Variants in PLCB1 observed in about 807,000 individuals in gnomAD.
The protein encoded by PLCB1 is 1-phosphatidylinositol 4,5-bisphosphate phosphodiesterase beta-1.
A neutral mutation model predicts 161.8 loss-of-function variants in PLCB1; 46 were observed. That is an observed-to-expected ratio of 0.28 (90% confidence interval 0.22 to 0.36). The LOEUF is 0.36. PLCB1 is among the 10% of genes least tolerant of loss of function. PLCB1 has a pLI of 1.00. For synonymous variants in PLCB1, 517 were observed against 503.7 expected, an observed-to-expected ratio of 1.03 and a Z score of -0.35; for missense variants, 1,016 against 1,472.5, an observed-to-expected ratio of 0.69 and a Z score of 5.07.
chr20:8,282,912 T>A (rs1982940601), intron 2 of PLCB1, among the ~76,000 whole-genome samples: 1 of 141,632 alleles, frequency 7.1e-6, no homozygotes, highest in Non-Finnish European at 1.5e-5. Context: ...CATCCAAGTG[T>A]CTTATGATTA....
In PLCB1 at chr20:8,883,775, T is replaced by TG. The variant is rs1988077818; in HGVS notation, c.*1930dup. 1 of 151,410 alleles carries TG rather than the reference T, an allele frequency of 6.6e-6. No individual in the cohort carries two copies. Among genetic ancestry groups the TG allele is most frequent in the Non-Finnish European group, 1.5e-5 (1 of 67,712 alleles). 9.4% of individuals were successfully genotyped at this position (151,410 alleles called of 1,614,324 possible). A position where few individuals can be genotyped will look rare whatever the true frequency, so the allele number is the denominator to read the frequency against. On this transcript the variant is annotated 3_prime_UTR_variant, in exon 32 of 32. Transcript: ENST00000338037. ...TGATTATATTTTGATCTGAAGGGTT[T>TG]GGGGTGTTCATTAGACACTTAATAA...
At chr20:8,133,731 C>T (rs2051316009) in intron 1 of PLCB1, among the ~76,000 whole-genome samples, 2 of 152,144 alleles carry the variant, frequency 1.3e-5, no homozygotes, top group African/African-American at 2.4e-5. Context: ...ATAAGAAAAA[C>T]CTACTGAAAT....
At chr20:8,171,077 C>T (rs984123241) in intron 2 of PLCB1, among the ~76,000 whole-genome samples, 1 of 152,012 alleles carries the variant, frequency 6.6e-6, no homozygotes, top group Admixed American at 6.5e-5. Context: ...CGAGTGCTTC[C>T]CCCTTCTTAC....
chr20:8,146,933 C>T (rs879910122), intron 1 of PLCB1, among the ~76,000 whole-genome samples: 5 of 152,092 alleles, frequency 3.3e-5, no homozygotes, highest in African/African-American at 7.2e-5. Flanking sequence ...TATTGGTTTT[C>T]TTTTTTACAG....
chr20:8,553,687 T>C (rs1012523124), intron 3 of PLCB1, among the ~76,000 whole-genome samples: 1 of 152,000 alleles, frequency 6.6e-6, no homozygotes, highest in Non-Finnish European at 1.5e-5. Context: ...AGAAAAACAT[T>C]ATCATTAGGA....
chr20:8,569,067 T>C (rs1986426389), intron 3 of PLCB1, among the ~76,000 whole-genome samples: 1 of 152,156 alleles, frequency 6.6e-6, no homozygotes, highest in African/African-American at 2.4e-5. Context: ...ATGCATCTGG[T>C]TTGTAAGGGA....
In PLCB1 at chr20:8,145,176, C is replaced by T. The variant is rs111593434; in HGVS notation, c.100-5118C>T. 5.9e-5 allele frequency among the ~76,000 whole-genome samples: 9 copies of T among 152,194 alleles called. No homozygotes were observed. The South Asian group carries it at 1.0e-3, about 18-fold the overall frequency. On this transcript the variant is annotated intron_variant, in intron 1 of 31. Coordinates refer to ENST00000338037, the MANE Select transcript of PLCB1 (RefSeq NM_015192.4). ...AGCAGGGTTGCTTCCTGCTGAGGGC[C>T]GTGAGGGAAGGATGTGTGCCAGGCC...
At chr20:8,273,283 G>A (rs1982372628) in intron 2 of PLCB1, among the ~76,000 whole-genome samples, 1 of 152,050 alleles carries the variant, frequency 6.6e-6, no homozygotes, top group Admixed American at 6.6e-5. Context: ...TTATGACTTG[G>A]CTTTTCATTT....
chr20:8,411,403 T>C (rs963352428), intron 3 of PLCB1, among the ~76,000 whole-genome samples: 10 of 152,236 alleles, frequency 6.6e-5, no homozygotes, highest in African/African-American at 2.4e-4. Flanking sequence ...TTTTAAAATA[T>C]ATGTATAACT....
intron 2 of PLCB1, among the ~76,000 whole-genome samples, chr20:8,324,135 G>A (rs1431428309): frequency 6.6e-6 from 1 of 151,798 alleles, no homozygotes; most frequent in Non-Finnish European, 1.5e-5. Context: ...ATACAGGTAA[G>A]TAAAGACGGT....
At chr20:8,600,607 T>G (rs1352236930) in intron 3 of PLCB1, 1 of 150,838 alleles carries the variant, frequency 6.6e-6, no homozygotes, top group Non-Finnish European at 1.5e-5. Context: ...GCAGGCCTCC[T>G]TGAGCTGTGG....
In PLCB1 at chr20:8,829,376, C is replaced by A. The variant is rs375726414; in HGVS notation, c.3423+39115C>A. On this transcript the variant is annotated intron_variant, in intron 31 of 31. Transcript: ENST00000338037. ...GCCCGCTGACCTCCCTGCAACAGTT[C>A]TGCCCATTGACCAGTAGGGGATAAT... Among the ~76,000 whole-genome samples the A allele has an allele frequency of 4.3e-4, 66 of 152,326 alleles. 1 individual carries two copies. In the South Asian group the frequency reaches 0.014, roughly 32 times the overall value.
chr20:8,774,414 A>C lies in PLCB1; in HGVS notation c.2931-125A>C, dbSNP rs1442284837. 3 of 885,236 alleles carry C rather than the reference A, an allele frequency of 3.4e-6. No individual in the cohort carries two copies. In the East Asian group the frequency reaches 7.3e-5, roughly 22 times the overall value. 54.8% of individuals were successfully genotyped at this position (885,236 alleles called of 1,614,324 possible). ...CCTTGGGGTCTCACCCTCTACCCCA[A>C]GTGGCTTATGAAAATATGTATTTCC... On this transcript the variant is annotated intron_variant, in intron 26 of 31. Coordinates refer to ENST00000338037, the MANE Select transcript of PLCB1 (RefSeq NM_015192.4).
In PLCB1 at chr20:8,516,967, C is replaced by T. The variant is rs544933159; in HGVS notation, c.247-111327C>T. Reference sequence around the variant, plus strand: ...AGATGCTCAATATGAGGTGGTAGGTCCTGTGTACTGGGTGTATGCCAGATT... The same window carrying T: ...AGATGCTCAATATGAGGTGGTAGGTTCTGTGTACTGGGTGTATGCCAGATT... On this transcript the variant is annotated intron_variant, in intron 3 of 31. Transcript: ENST00000338037. Among the ~76,000 whole-genome samples, 8 of 152,052 alleles carry T rather than the reference C, an allele frequency of 5.3e-5. No homozygotes were observed. The South Asian group carries it at 1.7e-3, about 32-fold the overall frequency.
chr20:8,502,498 G>T (rs2122818374), intron 3 of PLCB1, among the ~76,000 whole-genome samples: 1 of 152,180 alleles, frequency 6.6e-6, no homozygotes, highest in East Asian at 1.9e-4. Context: ...TTATTTTCTG[G>T]CACATTGACT....
intron 31 of PLCB1, among the ~76,000 whole-genome samples, chr20:8,846,592 CCA>C (rs1986699252): frequency 6.6e-6 from 1 of 152,120 alleles, no homozygotes; most frequent in Non-Finnish European, 1.5e-5. Flanking sequence ...GGTCCGTGGA[CCA>C]CACTTTGAGT....
intron 2 of PLCB1, among the ~76,000 whole-genome samples, chr20:8,179,770 A>G (rs1397789752): frequency 6.7e-6 from 1 of 149,994 alleles, no homozygotes; most frequent in Non-Finnish European, 1.5e-5. Context: ...GTTCAGTATA[A>G]TATTGACTGT....
chr20:8,817,995 AT>A (rs1298822496), intron 31 of PLCB1, among the ~76,000 whole-genome samples: 1 of 152,224 alleles, frequency 6.6e-6, no homozygotes, highest in Non-Finnish European at 1.5e-5. Context: ...TTAGTGATCT[AT>A]ATAATTAGCA....
intron 23 of PLCB1, among the ~76,000 whole-genome samples, chr20:8,744,756 T>C (rs998603562): frequency 6.6e-6 from 1 of 152,120 alleles, no homozygotes; most frequent in Non-Finnish European, 1.5e-5. Context: ...ATTTTACTAA[T>C]GGTGCTTCAG....
Sources: gnomAD v4.1 joint callset for allele counts (sites outside exome capture counted in the v4.1 genomes callset) on GRCh38, gnomAD v4.1.1 for gene constraint, MANE v1.5 for transcripts, NCBI Gene and HGNC (gene_info 2026-07-23, HGNC 2026-07-21) for gene names.